The following ACYP2 variants were observed in gnomAD, a reference collection of about 807,000 sequenced individuals.
The protein encoded by ACYP2 is acylphosphatase 2, also known as acylphosphatase-2.
Under a neutral mutation model 11.2 loss-of-function variants are expected in ACYP2, and 12 were observed. The ratio of observed to expected loss-of-function variants is 1.08; its 90% CI spans 0.69 to 1.74. The LOEUF is 1.74. Among genes scored for constraint, ACYP2 ranks in the 40% most tolerant of loss-of-function variants. The pLI is 0.00. For synonymous variants in ACYP2, 43 were observed against 32.2 expected (o/e 1.33, Z -1.13); for missense variants, 134 against 101.9 (o/e 1.31, Z -1.35).
chr2:54,210,960 T>G (rs909937925), intron 6 of ACYP2, among the ~76,000 whole-genome samples: 19 of 152,232 alleles, frequency 1.2e-4, no homozygotes. Flanking sequence ...TGAGTTGGTA[T>G]AAGCAAAGAT....
intron 6 of ACYP2, among the ~76,000 whole-genome samples, chr2:54,245,468 G>T (rs561928092): frequency 3.3e-5 from 5 of 152,060 alleles, no homozygotes; most frequent in African/African-American, 7.2e-5. Context: ...CTCCATAGTG[G>T]TTTTGTTGGT....
chr2:54,145,591 C>T (rs72800774), intron 6 of ACYP2, among the ~76,000 whole-genome samples: 6,346 of 152,112 alleles, frequency 0.042, 181 homozygotes, highest in Admixed American at 0.07. Context: ...TTCAGACATT[C>T]TTGTTTCATA....
intron 4 of ACYP2, chr2:54,082,805 G>A (rs1677736673): frequency 6.6e-6 from 1 of 152,266 alleles, no homozygotes; most frequent in Non-Finnish European, 1.5e-5. Context: ...GCCAGGCACA[G>A]AGGCTCATGC....
chr2:54,104,090 G>A (rs756074135), intron 4 of ACYP2, among the ~76,000 whole-genome samples: 18 of 152,178 alleles, frequency 1.2e-4, no homozygotes, highest in Non-Finnish European at 2.2e-4. Flanking sequence ...CTCTATTGGC[G>A]GTAGAGACTT....
intron 6 of ACYP2, among the ~76,000 whole-genome samples, chr2:54,271,301 G>T (rs1219421216): frequency 6.6e-6 from 1 of 152,178 alleles, no homozygotes; most frequent in East Asian, 1.9e-4. Flanking sequence ...ATCCCTTACT[G>T]CTCAGTACTC....
rs921647184 is a variant in ACYP2, at chr2:53,994,013, G to A, written c.62+20203G>A. Among the ~76,000 whole-genome samples, 4 of 151,914 alleles carry A rather than the reference G, an allele frequency of 2.6e-5. No individual in the cohort carries two copies. In the East Asian group the frequency reaches 5.8e-4, roughly 22 times the overall value. On this transcript the variant is annotated intron_variant, in intron 2 of 6. Transcript: ENST00000607452. ...ATCCTGGCTAACACAGTGAAACCCC[G>A]TCTCTACTAAAAATCGTACAAAATA...
chr2:54,288,964 G>C (rs1689192864), intron 6 of ACYP2, among the ~76,000 whole-genome samples: 1 of 151,862 alleles, frequency 6.6e-6, no homozygotes. Context: ...GCGACCCCAA[G>C]CTTTTAATTC....
chr2:54,072,509 C>T (rs1031237668), intron 4 of ACYP2, among the ~76,000 whole-genome samples: 25 of 72,956 alleles, frequency 3.4e-4, no homozygotes, highest in Middle Eastern at 6.8e-3. Flanking sequence ...CTCTCTCTCT[C>T]TCTTTCTTTC....
At chr2:54,001,854 T>C (rs1672819280) in intron 2 of ACYP2, among the ~76,000 whole-genome samples, 1 of 152,172 alleles carries the variant, frequency 6.6e-6, no homozygotes, top group South Asian at 2.1e-4. Context: ...ACTTAATAGT[T>C]TAGAGCTGTT....
chr2:54,177,388 G>A (rs1309299097), intron 6 of ACYP2, among the ~76,000 whole-genome samples: 1 of 152,116 alleles, frequency 6.6e-6, no homozygotes, highest in African/African-American at 2.4e-5. Context: ...TGTTTTGCTG[G>A]TAGTTACTTC....
intron 6 of ACYP2, among the ~76,000 whole-genome samples, chr2:54,244,991 G>C (rs142576917): frequency 1.1e-4 from 16 of 152,228 alleles, no homozygotes; most frequent in African/African-American, 3.4e-4. Flanking sequence ...TTCCTGTACA[G>C]CTGTAATTTT....
chr2:54,066,204 T>C (rs1450310657), intron 4 of ACYP2, among the ~76,000 whole-genome samples: 1 of 152,182 alleles, frequency 6.6e-6, no homozygotes, highest in Non-Finnish European at 1.5e-5. Flanking sequence ...GCAGTTTTCC[T>C]CATGCTGTTC....
At position 54,009,630 on chromosome 2, in the gene ACYP2, G is replaced by A. The variant is rs138557214; in HGVS notation, c.62+35820G>A. ...GTCCCTGATGATTTAGAGTTAGAGT[G>A]CAGTTAGAGTCAGGAAGAAATCAAG... is the stretch of plus-strand genomic sequence containing the variant. On this transcript the variant is annotated intron_variant, in intron 2 of 6. Coordinates refer to ENST00000607452, the MANE Select transcript of ACYP2 (RefSeq NM_001320586.2). 1.3e-3 allele frequency among the ~76,000 whole-genome samples: 191 copies of A among 152,166 alleles called. 2 individuals are homozygous for A. Among genetic ancestry groups the A allele is most frequent in the East Asian group, 3.5e-3 (18 of 5,182 alleles).
chr2:54,272,046 T>A lies in ACYP2; in HGVS notation c.405-32642T>A, dbSNP rs368737369. Among the ~76,000 whole-genome samples the A allele has an allele frequency of 1.6e-4, 24 of 152,274 alleles. No homozygotes were observed. The South Asian group carries it at 5.0e-3, about 32-fold the overall frequency. On this transcript the variant is annotated intron_variant, in intron 6 of 6. Coordinates refer to ENST00000607452, the MANE Select transcript of ACYP2 (RefSeq NM_001320586.2). ...TACATGTTACTTTCAGTTCCTCAAC[T>A]GAGGAAGCCATTGATGAAGCACCTT...
At chr2:54,216,510 ATCTT>A (rs1377013272) in intron 6 of ACYP2, among the ~76,000 whole-genome samples, 10 of 150,684 alleles carry the variant, frequency 6.6e-5, no homozygotes, top group Admixed American at 6.0e-4. Flanking sequence ...CTATTGATGA[ATCTT>A]TTTTTTTTAA....
intron 5 of ACYP2, among the ~76,000 whole-genome samples, 176 bp from the exon 3 acceptor site, chr2:54,138,463 C>T (rs1003094075): frequency 6.6e-6 from 1 of 152,096 alleles, no homozygotes; most frequent in East Asian, 1.9e-4. Flanking sequence ...ACAAAAGATA[C>T]CATTTATGTG....
intron 2 of ACYP2, among the ~76,000 whole-genome samples, chr2:54,007,138 C>CAAAAAAAAAAAAAAAAA (rs70944145): frequency 1.9e-5 from 1 of 52,200 alleles, no homozygotes; most frequent in South Asian, 9.6e-4. Flanking sequence ...GACTCTGTGT[C>CAAAAAAAAAAAAAAAAA]AAAAAAAAAA....
intron 2 of ACYP2, among the ~76,000 whole-genome samples, chr2:53,974,528 A>C (rs1671368888): frequency 6.6e-6 from 1 of 152,216 alleles, no homozygotes; most frequent in Non-Finnish European, 1.5e-5. Context: ...GTAGTCTCAG[A>C]ATTCAGAAAA....
chr2:54,087,233 T>C (rs1558518978), intron 4 of ACYP2, among the ~76,000 whole-genome samples: 1 of 152,264 alleles, frequency 6.6e-6, no homozygotes, highest in Non-Finnish European at 1.5e-5. Flanking sequence ...GGAAACACAC[T>C]TGTACACATG....
Sources: gnomAD v4.1 joint callset for allele counts (sites outside exome capture counted in the v4.1 genomes callset) on GRCh38, gnomAD v4.1.1 for gene constraint, MANE v1.5 for transcripts, NCBI Gene and HGNC (gene_info 2026-07-23, HGNC 2026-07-21) for gene names.